Variants in WNK4 observed in about 807,000 individuals in gnomAD.
WNK4 encodes the protein WNK lysine deficient protein kinase 4, also known as serine/threonine-protein kinase WNK4.
A neutral mutation model predicts 116.2 loss-of-function variants in WNK4; 94 were observed. The observed-to-expected ratio is 0.81, with a 90% CI of 0.68 to 0.96. The LOEUF (loss-of-function observed/expected upper bound fraction) is 0.96. Ranked by LOEUF, WNK4 falls within the 40% of genes least tolerant of loss-of-function variation. WNK4 has a pLI of 0.00. For synonymous variants in WNK4, 655 were observed against 672.7 expected, an observed-to-expected ratio of 0.97 and a Z score of 0.41; for missense variants, 1,542 against 1,650.6, an observed-to-expected ratio of 0.93 and a Z score of 1.14.
intron 11 of WNK4, among the ~76,000 whole-genome samples, chr17:42,792,081 T>C (rs1444655435): frequency 3.3e-5 from 5 of 152,230 alleles, no homozygotes; most frequent in Non-Finnish European, 7.3e-5. Flanking sequence ...TTTCATGTAA[T>C]ACCTAAGTTC....
Position 42,796,103 on chromosome 17 carries a change from T to C in WNK4, c.3432-20T>C, listed in dbSNP as rs61755630. ...GCAAGGTGTGTGGCTAGCCCTTTCATGCCCTCCGTGCATCCTCAGGCACTT... is the reference window on the plus strand; with the variant it reads ...GCAAGGTGTGTGGCTAGCCCTTTCACGCCCTCCGTGCATCCTCAGGCACTT... On this transcript the variant is annotated intron_variant, in intron 16 of 18. Transcript: ENST00000246914. 3.0e-3 allele frequency: 4,855 copies of C among 1,614,020 alleles called. 10 individuals carry two copies. Among genetic ancestry groups the C allele is most frequent in the Middle Eastern group, 5.3e-3 (32 of 6,062 alleles).
rs573607414 is a variant in WNK4, at chr17:42,784,336, C to G, written c.1013-86C>G. ...ACTGTGGGCCGGGGTCACTTGCACT[C>G]GCAGGGTTGCCTGGGGCTGCCTAGC... is the stretch of plus-strand genomic sequence containing the variant. On this transcript the variant is annotated intron_variant, in intron 3 of 18. Coordinates refer to ENST00000246914, the MANE Select transcript of WNK4 (RefSeq NM_032387.5). The surrounding 1 kb of genome is among the most constrained non-coding windows in gnomAD (Gnocchi z 4.4). The G allele has an allele frequency of 2.5e-6, 4 of 1,573,254 alleles. No homozygotes were observed. The Admixed American group carries it at 7.4e-5, about 29-fold the overall frequency.
At position 42,788,895 on chromosome 17, in the gene WNK4, G is replaced by A. The variant is rs61755608; in HGVS notation, c.2157+98G>A. 5.9e-3 allele frequency: 5,808 copies of A among 992,206 alleles called. 214 individuals are homozygous for A. In the African/African-American group the frequency reaches 0.08, roughly 14 times the overall value. 61.5% of individuals were successfully genotyped at this position (992,206 alleles called of 1,614,324 possible). ...CTGAAACCCACTGATCCGACAGCAA[G>A]CATTTTTAAATCTCTGGTTGACACT... On this transcript the variant is annotated intron_variant, in intron 11 of 18. Coordinates refer to ENST00000246914, the MANE Select transcript of WNK4 (RefSeq NM_032387.5).
chr17:42,793,222 T>A (rs1038416421), intron 11 of WNK4, among the ~76,000 whole-genome samples: 1 of 152,188 alleles, frequency 6.6e-6, no homozygotes, highest in African/African-American at 2.4e-5. Context: ...GTGGATTTTT[T>A]ATTTTTATTT....
rs766458555 is a variant in WNK4 at position 42,785,053 on chromosome 17, C to CTGGG, written c.1171-43_1171-40dup. On this transcript the variant is annotated intron_variant, in intron 4 of 18. Transcript: ENST00000246914. ...GTGGGGGGTGGTGTCAAGCCGAGAGCTGGGGATCAGAGGACGGGAGGTGTC... is the reference window on the plus strand; with the variant it reads ...GTGGGGGGTGGTGTCAAGCCGAGAGCTGGGTGGGGATCAGAGGACGGGAGGTGTC... 3.8e-6 allele frequency: 6 copies of CTGGG among 1,588,066 alleles called. No individual in the cohort carries two copies. The South Asian group carries it at 6.8e-5, about 18-fold the overall frequency.
At position 42,782,380 on chromosome 17, in the gene WNK4, C is replaced by G. The variant is rs755108776; in HGVS notation, c.619-378C>G. Among the ~76,000 whole-genome samples the G allele has an allele frequency of 3.9e-5, 6 of 152,240 alleles. No homozygotes were observed. The highest frequency in any genetic ancestry group is 1.4e-4 in the African/African-American group (6 of 41,468). On this transcript the variant is annotated intron_variant, in intron 1 of 18. Transcript: ENST00000246914. The surrounding 1 kb of genome is among the most constrained non-coding windows in gnomAD (Gnocchi z 4.2). ...CCCTTGCCGGCCCCAATTCCCTGCC[C>G]GCAGTATCCTGCTGCCCGCCTGCTG...
In WNK4 at chr17:42,792,598, G is replaced by A. The variant is rs2054617337; in HGVS notation, c.2158-994G>A. Among the ~76,000 whole-genome samples the A allele has an allele frequency of 2.0e-5, 3 of 152,248 alleles. No homozygotes were observed. In the South Asian group the frequency reaches 6.2e-4, roughly 32 times the overall value. On this transcript the variant is annotated intron_variant, in intron 11 of 18. Coordinates refer to ENST00000246914, the MANE Select transcript of WNK4 (RefSeq NM_032387.5). ...TTCTATCTATATCTCACTTGTAAGT[G>A]CCTTACGTATTACGGGCTGCCTTGC...
intron 12 of WNK4, chr17:42,794,357 A>T: frequency 1.8e-6 from 1 of 555,616 alleles, no homozygotes. Flanking sequence ...TTGCCACCTT[A>T]GCGTCATCAT....
chr17:42,785,351 G>GAGAAGCCGGGCCTCAAGCTCTGGCT lies in WNK4; in HGVS notation c.1346_1370dup (p.Arg458GlufsTer51). 6.2e-7 allele frequency: 1 copy of GAGAAGCCGGGCCTCAAGCTCTGGCT among 1,609,816 alleles called. No individual in the cohort carries two copies. The highest frequency in any genetic ancestry group is 2.2e-5 in the East Asian group (1 of 44,728). On this transcript the variant is annotated frameshift_variant, in exon 6 of 19. Coordinates refer to ENST00000246914, the MANE Select transcript of WNK4 (RefSeq NM_032387.5). LOFTEE classifies it high-confidence loss of function. ...GGAACTAGCGGAGGAGGACGACGGC[G>GAGAAGCCGGGCCTCAAGCTCTGGCT]AGAAGCCGGGCCTCAAGCTCTGGCT...
chr17:42,788,655 C>T (rs1308318273), intron 10 of WNK4, 26 bp from the exon 11 acceptor site: 2 of 1,568,470 alleles, frequency 1.3e-6, no homozygotes, highest in Non-Finnish European at 1.8e-6. Context: ...TTGACCTTCT[C>T]CCCTCTGCTG....
rs2054516291 is a variant in WNK4 at position 42,784,185 on chromosome 17, A to C, written c.1012+28A>C. The C allele has an allele frequency of 3.1e-6, 5 of 1,602,848 alleles. No homozygotes were observed. Among genetic ancestry groups the C allele is most frequent in the Non-Finnish European group, 4.2e-6 (5 of 1,179,496 alleles). The stretch of plus-strand genomic sequence containing the variant: ...GCGTCTCTCCAGGAGGGTCCATGCC[A>C]TTCCTTCCTCCCCCACCTCAGAAGA... On this transcript the variant is annotated intron_variant, in intron 3 of 18. Coordinates refer to ENST00000246914, the MANE Select transcript of WNK4 (RefSeq NM_032387.5). This position sits in a 1 kb window ranked among gnomAD's most constrained non-coding sequence, Gnocchi z 4.4.
chr17:42,781,110 G>A lies in WNK4; in HGVS notation c.412G>A (p.Glu138Lys), dbSNP rs1223732049. ...PDSAVGPGSREPLRVPEAVAL... is the reference protein window; with the variant it reads ...PDSAVGPGSRKPLRVPEAVAL... ...CTCTGCAGTGGGCCCGGGGTCCAGG[G>A]AGCCGCTAAGGGTCCCTGAAGCTGT... is the stretch of plus-strand genomic sequence containing the variant. Residue 138 changes from glutamate to lysine, a missense_variant, in exon 1 of 19, where the codon GAG becomes AAG. Glu to Lys is a moderately conservative substitution (Grantham distance 56, BLOSUM62 1). Coordinates refer to ENST00000246914, the MANE Select transcript of WNK4 (RefSeq NM_032387.5). The A allele has an allele frequency of 3.1e-6, 5 of 1,613,660 alleles. No homozygotes were observed. The African/African-American group carries it at 5.3e-5, about 17-fold the overall frequency.
rs570211952 is a variant in WNK4 at position 42,782,111 on chromosome 17, T to C, written c.619-647T>C. Among the ~76,000 whole-genome samples the C allele has an allele frequency of 2.0e-5, 3 of 151,766 alleles. No individual in the cohort carries two copies. The highest frequency in any genetic ancestry group is 2.9e-5 in the Non-Finnish European group (2 of 67,980). ...ACAGAGCCTAGGGGAAGGGTCCCTC[T>C]CCAGCCCTGGCACAGGGCTCGCCCC... On this transcript the variant is annotated intron_variant, in intron 1 of 18. Coordinates refer to ENST00000246914, the MANE Select transcript of WNK4 (RefSeq NM_032387.5). The surrounding 1 kb of genome is among the most constrained non-coding windows in gnomAD (Gnocchi z 4.2).
chr17:42,787,567 G>C, intron 7 of WNK4, 25 bp downstream of exon 7: 1 of 1,612,198 alleles, frequency 6.2e-7, no homozygotes, highest in Non-Finnish European at 8.5e-7. Context: ...ATCTTGAGAC[G>C]TAGGTCCCAG....
Position 42,795,953 on chromosome 17 carries a change from C to A in WNK4, c.3351C>A (p.Ser1117Arg). Reference protein sequence around the residue: ...SPVWMNYSYSSLCLSSEESES... With the variant: ...SPVWMNYSYSRLCLSSEESES... ...TGTGGATGAACTACTCCTACAGCAGCCTGTGTTTGAGCAGCGAGGAGTCAG... is the reference window on the plus strand; with the variant it reads ...TGTGGATGAACTACTCCTACAGCAGACTGTGTTTGAGCAGCGAGGAGTCAG... The change falls in exon 16 of 19, where the codon AGC becomes AGA. Residue 1117 changes from serine to arginine, a missense_variant. This residue lies in a region of WNK4 where 3 missense variants were observed against 17.3 expected (regional missense o/e 0.17). Coordinates refer to ENST00000246914, the MANE Select transcript of WNK4 (RefSeq NM_032387.5). 6.2e-7 allele frequency: 1 copy of A among 1,613,370 alleles called. No individual in the cohort carries two copies. The highest frequency in any genetic ancestry group is 1.1e-5 in the South Asian group (1 of 91,072).
chr17:42,783,883 C>A (rs760361680), intron 2 of WNK4, 54 bp from the exon 3 acceptor site: 2 of 1,546,860 alleles, frequency 1.3e-6, no homozygotes, highest in Non-Finnish European at 1.8e-6. Context: ...TGGGGGGCTC[C>A]TTCCCGGAGG....
At chr17:42,785,648 T>G (rs1353200265) in intron 6 of WNK4, among the ~76,000 whole-genome samples, 166 bp downstream of exon 6, 1 of 152,140 alleles carries the variant, frequency 6.6e-6, no homozygotes, top group Admixed American at 6.5e-5. Flanking sequence ...AGCCCTAACT[T>G]ACCCGCACGC....
At position 42,796,043 on chromosome 17, in the gene WNK4, G is replaced by A. The variant is rs752945642; in HGVS notation, c.3431+10G>A. Reference sequence around the variant, plus strand: ...AGAGTCTTCGGCAGAAGTGAGTCTCGGGAGGATGGAGGAGTGAGAGGAGAA... The same window carrying A: ...AGAGTCTTCGGCAGAAGTGAGTCTCAGGAGGATGGAGGAGTGAGAGGAGAA... On this transcript the variant is annotated intron_variant, in intron 16 of 18. Coordinates refer to ENST00000246914, the MANE Select transcript of WNK4 (RefSeq NM_032387.5). 7.4e-6 allele frequency: 12 copies of A among 1,613,832 alleles called. No individual in the cohort carries two copies. The highest frequency in any genetic ancestry group is 2.2e-5 in the South Asian group (2 of 91,066).
intron 11 of WNK4, 65 bp downstream of exon 11, chr17:42,788,862 C>T (rs1405154956): frequency 3.8e-5 from 52 of 1,363,166 alleles, no homozygotes; most frequent in Non-Finnish European, 3.8e-5. Flanking sequence ...TCCTGATGTC[C>T]GCTGGGGCTG....
Sources: gnomAD v4.1 joint callset for allele counts (sites outside exome capture counted in the v4.1 genomes callset) on GRCh38, gnomAD v4.1.1 for gene constraint, gnomAD v4.1.1 regional missense constraint, Gnocchi (gnomAD v3.1) non-coding constraint, MANE v1.5 for transcripts, NCBI Gene and HGNC (gene_info 2026-07-23, HGNC 2026-07-21) for gene names.